The following VSX1 variants were observed in gnomAD, a reference collection of about 807,000 sequenced individuals.
VSX1 encodes visual system homeobox 1.
A neutral mutation model predicts 23.6 loss-of-function variants in VSX1; 23 were observed. The ratio of observed to expected loss-of-function variants is 0.97; its 90% confidence interval spans 0.70 to 1.38. The LOEUF (loss-of-function observed/expected upper bound fraction) is 1.38. Among genes scored for constraint, VSX1 ranks in the 40% most tolerant of loss-of-function variants. VSX1 has a pLI of 0.00. For synonymous variants in VSX1, 247 were observed against 215.1 expected (o/e 1.15, Z -1.30); for missense variants, 517 against 495.4 (o/e 1.04, Z -0.41).
Position 25,076,401 on chromosome 20 carries a change from C to G in VSX1, c.958G>C (p.Gly320Arg). 1 of 1,614,102 alleles carries G rather than the reference C, an allele frequency of 6.2e-7. No individual in the cohort carries two copies. Among genetic ancestry groups the G allele is most frequent in the South Asian group, 1.1e-5 (1 of 91,072 alleles). The change falls in exon 5 of 5, where the codon GGC becomes CGC. Residue 320 changes from glycine (G) to arginine (R), a missense_variant. Coordinates refer to ENST00000376709, the MANE Select transcript of VSX1 (RefSeq NM_014588.6). Reference protein sequence around the residue: ...RGSDKVSPENGLEDVAIDLSS... With the variant: ...RGSDKVSPENRLEDVAIDLSS... ...AGGTCAATAGCCACATCTTCCAAGCCATTCTCAGGGCTCACTTTATCTGAG... is the reference window on the plus strand; with the variant it reads ...AGGTCAATAGCCACATCTTCCAAGCGATTCTCAGGGCTCACTTTATCTGAG...
At chr20:25,076,574 G>GAAAAAATA in intron 4 of VSX1, 24 bp from the exon 5 acceptor site, 1 of 1,574,308 alleles carries the variant, frequency 6.4e-7, no homozygotes, top group Admixed American at 1.9e-5. Flanking sequence ...AAATAAAAAG[G>GAAAAAATA]AAAAAATAAA....
At position 25,076,418 on chromosome 20, in the gene VSX1, T is replaced by G. The variant is rs2089492895; in HGVS notation, c.941A>C (p.Lys314Thr). The G allele has an allele frequency of 3.1e-6, 5 of 1,613,990 alleles. No homozygotes were observed. In the East Asian group the frequency reaches 1.1e-4, roughly 36 times the overall value. The stretch of plus-strand genomic sequence containing the variant: ...TTCCAAGCCATTCTCAGGGCTCACT[T>G]TATCTGAGCCTCTCTGTGATCCTGA... ...SESGSQRGSDKVSPENGLEDV... is the reference protein window; with the variant it reads ...SESGSQRGSDTVSPENGLEDV... The change falls in exon 5 of 5, where the codon AAA (lysine) becomes ACA (threonine). Residue 314 changes from lysine (K) to threonine (T), a missense_variant. Lys to Thr is a moderately conservative substitution (Grantham distance 78). Coordinates refer to ENST00000376709, the MANE Select transcript of VSX1 (RefSeq NM_014588.6).
downstream of VSX1, among the ~76,000 whole-genome samples, chr20:25,074,455 G>A (rs2089444930): frequency 6.6e-6 from 1 of 152,146 alleles, no homozygotes; most frequent in Non-Finnish European, 1.5e-5. Context: ...TTTCTCTCGT[G>A]CCACTTCCTA....
At chr20:25,078,629 TACTA>T in intron 3 of VSX1, 196 bp downstream of exon 3, 2 of 1,504,600 alleles carry the variant, frequency 1.3e-6, no homozygotes, top group Non-Finnish European at 1.8e-6. Flanking sequence ...AATGATTTGA[TACTA>T]AATAATAATA....
chr20:25,073,389 T>C (rs1456595571), downstream of VSX1, among the ~76,000 whole-genome samples: 1 of 152,236 alleles, frequency 6.6e-6, no homozygotes, highest in Non-Finnish European at 1.5e-5. Flanking sequence ...TGCACGTTTC[T>C]TGTTTTCTCT....
chr20:25,076,129 A>G lies in VSX1; in HGVS notation c.*132T>C. 1 of 1,305,160 alleles carries G rather than the reference A, an allele frequency of 7.7e-7. No homozygotes were observed. The highest frequency in any genetic ancestry group is 1.3e-5 in the South Asian group (1 of 79,836). 80.8% of individuals were successfully genotyped at this position (1,305,160 alleles called of 1,614,324 possible). On this transcript the variant is annotated 3_prime_UTR_variant, in exon 5 of 5. Coordinates refer to ENST00000376709, the MANE Select transcript of VSX1 (RefSeq NM_014588.6). ...CATCTGTCCTCTTAAAGCAAGTGGC[A>G]TTGCATTTTATCTTGACATTGTCAG...
rs2089480184 is a variant in VSX1, at chr20:25,075,926, A to G, written c.*335T>C. On this transcript the variant is annotated 3_prime_UTR_variant, in exon 5 of 5. Transcript: ENST00000376709. ...TCAGACCTAACCTATTCATCTATAC[A>G]GTACATTGAACCACACATCTCAAAT... The G allele has an allele frequency of 2.5e-6, 1 of 394,076 alleles. No homozygotes were observed. The allele number at this position is 394,076 out of a possible 1,614,324, so 24.4% of individuals were successfully genotyped here. A position where few individuals can be genotyped will look rare whatever the true frequency, so the allele number is the denominator to read the frequency against.
chr20:25,079,320 C>A, intron 2 of VSX1, 116 bp downstream of exon 2: 3 of 1,115,858 alleles, frequency 2.7e-6, no homozygotes, highest in Admixed American at 5.5e-5. Context: ...CATTGCCAAC[C>A]AGGAAACCAC....
chr20:25,078,666 C>G, intron 3 of VSX1, 163 bp downstream of exon 3: 1 of 1,589,140 alleles, frequency 6.3e-7, no homozygotes, highest in Admixed American at 1.8e-5. Context: ...GCATGAGGGT[C>G]ATAGGGGCAA....
At position 25,081,411 on chromosome 20, in the gene VSX1, G is replaced by A. The variant is rs78756784; in HGVS notation, c.424+262C>T. Reference sequence around the variant, plus strand: ...TGAAGACCCCAGGGTCTCATCAAAAGGTTCCACCCGGAACCAGGTGGTGGC... The same window carrying A: ...TGAAGACCCCAGGGTCTCATCAAAAAGTTCCACCCGGAACCAGGTGGTGGC... On this transcript the variant is annotated intron_variant, in intron 1 of 4. Transcript: ENST00000376709. The A allele has an allele frequency of 1.1e-5, 8 of 746,826 alleles. No homozygotes were observed. In the East Asian group the frequency reaches 2.0e-4, roughly 19 times the overall value. The allele number at this position is 746,826 out of a possible 1,614,324, so 46.3% of individuals were successfully genotyped here.
At chr20:25,079,332 G>A in intron 2 of VSX1, 104 bp downstream of exon 2, 3 of 1,205,808 alleles carry the variant, frequency 2.5e-6, no homozygotes, top group Non-Finnish European at 3.5e-6. Flanking sequence ...GGAAACCACT[G>A]GGCCTGCTAT....
intron 4 of VSX1, among the ~76,000 whole-genome samples, chr20:25,076,894 C>T (rs1257835493): frequency 3.9e-5 from 6 of 152,184 alleles, no homozygotes; most frequent in African/African-American, 1.4e-4. Flanking sequence ...TACAATGCTC[C>T]CTCTAGTGTT....
intron 1 of VSX1, among the ~76,000 whole-genome samples, chr20:25,079,821 A>G (rs994816610): frequency 6.6e-6 from 1 of 152,142 alleles, no homozygotes; most frequent in African/African-American, 2.4e-5. Context: ...TCACACAGGT[A>G]GTAAATGGTG....
downstream of VSX1, among the ~76,000 whole-genome samples, chr20:25,073,532 C>T (rs1326147668): frequency 1.3e-5 from 2 of 152,098 alleles, no homozygotes; most frequent in East Asian, 1.9e-4. Flanking sequence ...GCAAAAAGAG[C>T]GGGGGCTGGC....
chr20:25,081,703 G>A lies in VSX1; in HGVS notation c.394C>T (p.Gln132Ter). 1 of 1,507,632 alleles carries A rather than the reference G, an allele frequency of 6.6e-7. No homozygotes were observed. Among genetic ancestry groups the A allele is most frequent in the Non-Finnish European group, 8.8e-7 (1 of 1,135,418 alleles). The allele number at this position is 1,507,632 out of a possible 1,614,324, so 93.4% of individuals were successfully genotyped here. The change falls in exon 1 of 5, where the codon CAG becomes TAG. Residue 132 changes from glutamine to a stop codon, truncating the protein, a stop_gained. Coordinates refer to ENST00000376709, the MANE Select transcript of VSX1 (RefSeq NM_014588.6). LOFTEE classifies it high-confidence loss of function. ...PSRPPPALGR[Q>*]KRSDSVSTSD... ...GTGGAGACGCTGTCGCTGCGCTTCT[G>A]GCGGCCGAGCGCAGGCGGCGGACGG...
chr20:25,078,070 C>T, intron 3 of VSX1: 2 of 643,928 alleles, frequency 3.1e-6, no homozygotes, highest in Non-Finnish European at 5.3e-6. Flanking sequence ...ACGTGCGGTC[C>T]GGACTCACGG....
Position 25,076,038 on chromosome 20 carries a change from C to T in VSX1, c.*223G>A, listed in dbSNP as rs752720378. On this transcript the variant is annotated 3_prime_UTR_variant, in exon 5 of 5. Coordinates refer to ENST00000376709, the MANE Select transcript of VSX1 (RefSeq NM_014588.6). ...AATCAAAAGTTTTGCACCAAGTTAACTGGTTAAAGTGCCATTAAGGAACCG... is the reference window on the plus strand; with the variant it reads ...AATCAAAAGTTTTGCACCAAGTTAATTGGTTAAAGTGCCATTAAGGAACCG... 96 of 613,488 alleles carry T rather than the reference C, an allele frequency of 1.6e-4. No homozygotes were observed. The Middle Eastern group carries it at 2.2e-3, about 14-fold the overall frequency. The allele number at this position is 613,488 out of a possible 1,614,324, so 38.0% of individuals were successfully genotyped here.
At chr20:25,077,308 C>T (rs2089519816) in intron 4 of VSX1, among the ~76,000 whole-genome samples, 1 of 152,180 alleles carries the variant, frequency 6.6e-6, no homozygotes, top group African/African-American at 2.4e-5. Context: ...CCCCAGGGGT[C>T]GCTGCTCAGC....
chr20:25,076,357 C>T lies in VSX1; in HGVS notation c.1002G>A (p.Gln334=). The change falls in exon 5 of 5, where the codon CAG becomes CAA. Residue 334 remains glutamine (Q), a synonymous_variant. Transcript: ENST00000376709. ...CCCCAGGGTGCACTTTCTTGGTCTCCTGCCGGGCAGAGCTGGAGAGGTCAA... is the reference window on the plus strand; with the variant it reads ...CCCCAGGGTGCACTTTCTTGGTCTCTTGCCGGGCAGAGCTGGAGAGGTCAA... ...VAIDLSSSAR[Q]ETKKVHPGAG... 1 of 1,614,168 alleles carries T rather than the reference C, an allele frequency of 6.2e-7. No homozygotes were observed. The highest frequency in any genetic ancestry group is 8.5e-7 in the Non-Finnish European group (1 of 1,180,030).
Sources: allele counts gnomAD v4.1 joint callset (sites outside exome capture counted in the v4.1 genomes callset), GRCh38; gene constraint gnomAD v4.1.1; transcripts MANE v1.5; gene names NCBI Gene and HGNC (gene_info 2026-07-23, HGNC 2026-07-21).